TRIQK: variants seen among roughly 807,000 people sequenced by gnomAD.
The protein encoded by TRIQK is triple QxxK/R motif containing.
A neutral mutation model predicts 10.8 loss-of-function variants in TRIQK; 10 were observed. The ratio of observed to expected loss-of-function variants is 0.92; its 90% CI spans 0.57 to 1.57. The LOEUF is 1.57. Among genes scored for constraint, TRIQK ranks in the 40% most tolerant of loss-of-function variants. TRIQK has a pLI of 0.00. For missense variants in TRIQK, 107 were observed against 97.7 expected (o/e 1.09, Z -0.40); for synonymous variants, 33 against 33.7 (o/e 0.98, Z 0.07).
At chr8:92,965,735 C>G (rs1812711146) in intron 1 of TRIQK, 1 of 152,704 alleles carries the variant, frequency 6.5e-6, no homozygotes. Flanking sequence ...CCACCGAACC[C>G]AGCACCCTCC....
chr8:93,012,356 C>A (rs1247734373), intron 1 of TRIQK, among the ~76,000 whole-genome samples: 1 of 152,040 alleles, frequency 6.6e-6, no homozygotes, highest in Non-Finnish European at 1.5e-5. Context: ...AAACAGAGTG[C>A]CCACGATTCT....
intron 2 of TRIQK, among the ~76,000 whole-genome samples, chr8:92,927,557 T>C (rs1450872173): frequency 1.3e-5 from 2 of 152,150 alleles, no homozygotes; most frequent in Non-Finnish European, 2.9e-5. Flanking sequence ...AGGCGATTAA[T>C]ATTATTATTG....
intron 2 of TRIQK, among the ~76,000 whole-genome samples, chr8:92,952,968 T>C (rs1811985280): frequency 6.6e-6 from 1 of 152,048 alleles, no homozygotes; most frequent in South Asian, 2.1e-4. Flanking sequence ...TTTGGATATG[T>C]AGTCTGTGTG....
chr8:92,962,451 C>A (rs1217239872), intron 1 of TRIQK, among the ~76,000 whole-genome samples: 1 of 152,164 alleles, frequency 6.6e-6, no homozygotes, highest in East Asian at 1.9e-4. Context: ...CAAAGAAATT[C>A]TTTATTGAGC....
At chr8:92,910,399 G>A (rs1809508169) in intron 3 of TRIQK, among the ~76,000 whole-genome samples, 1 of 150,934 alleles carries the variant, frequency 6.6e-6, no homozygotes, top group South Asian at 2.1e-4. Flanking sequence ...AAAATTTGAA[G>A]AATGAAAAAG....
upstream of TRIQK, among the ~76,000 whole-genome samples, chr8:92,967,180 A>C (rs1344439931): frequency 6.6e-6 from 1 of 152,046 alleles, no homozygotes; most frequent in Admixed American, 6.5e-5. Flanking sequence ...AATACACTTA[A>C]CCAGATTACT....
At chr8:93,009,792 G>GA (rs202158838) in intron 1 of TRIQK, among the ~76,000 whole-genome samples, 75 of 150,364 alleles carry the variant, frequency 5.0e-4, no homozygotes, top group African/African-American at 1.5e-3. Flanking sequence ...ATATCCAAAG[G>GA]AAAAAAAAAT....
intron 1 of TRIQK, among the ~76,000 whole-genome samples, chr8:92,999,486 G>A (rs74487968): frequency 0.05 from 7,666 of 152,092 alleles, 261 homozygotes; most frequent in Middle Eastern, 0.095. Context: ...CTGACTACTC[G>A]TTTAAACCAG....
At chr8:93,010,402 T>C (rs938055522) in intron 1 of TRIQK, among the ~76,000 whole-genome samples, 3 of 151,994 alleles carry the variant, frequency 2.0e-5, no homozygotes, top group Non-Finnish European at 4.4e-5. Context: ...TATGTGTCCA[T>C]TAAAAAAATA....
At chr8:92,898,077 C>T (rs1808703305) in intron 3 of TRIQK, among the ~76,000 whole-genome samples, 1 of 152,078 alleles carries the variant, frequency 6.6e-6, no homozygotes, top group African/African-American at 2.4e-5. Context: ...TGGTCAGTCT[C>T]ATGTTTAACC....
intron 3 of TRIQK, among the ~76,000 whole-genome samples, chr8:92,898,013 A>G (rs1467685757): frequency 6.6e-6 from 1 of 151,934 alleles, no homozygotes; most frequent in Non-Finnish European, 1.5e-5. Flanking sequence ...AATCTGTCAG[A>G]CCTTTTAAAA....
In TRIQK at chr8:92,966,091, G is replaced by T. The variant is rs1812736557; in HGVS notation, c.-265C>A. Reference sequence around the variant, plus strand: ...CACGGTTCTGTCACTCAGGGGCAGGGGCGGGACAAGCCAGCCGCACACCCC... The same window carrying T: ...CACGGTTCTGTCACTCAGGGGCAGGTGCGGGACAAGCCAGCCGCACACCCC... On this transcript the variant is annotated 5_prime_UTR_variant, in exon 1 of 5. Transcript: ENST00000521988. The T allele has an allele frequency of 6.6e-6, 1 of 152,520 alleles. No homozygotes were observed. Among genetic ancestry groups the T allele is most frequent in the Non-Finnish European group, 1.5e-5 (1 of 68,282 alleles). 9.4% of individuals were successfully genotyped at this position (152,520 alleles called of 1,614,324 possible). A position where few individuals can be genotyped will look rare whatever the true frequency, so the allele number is the denominator to read the frequency against.
In TRIQK at chr8:92,933,632, G is replaced by C. The variant is rs559836632; in HGVS notation, c.-21-16622C>G. Among the ~76,000 whole-genome samples the C allele has an allele frequency of 2.6e-5, 4 of 152,122 alleles. No individual in the cohort carries two copies. The South Asian group carries it at 8.3e-4, about 32-fold the overall frequency. On this transcript the variant is annotated intron_variant, in intron 2 of 4. Transcript: ENST00000521988. ...TAAAACCAGTGTTCTTTGAAGATAA[G>C]GCATAAAGATTCTAGATAGAAAACT...
chr8:92,978,441 T>C (rs1812953799), intron 1 of TRIQK, among the ~76,000 whole-genome samples: 1 of 152,204 alleles, frequency 6.6e-6, no homozygotes, highest in Admixed American at 6.6e-5. Context: ...TAGTTCATCA[T>C]GGCTGGGAGC....
chr8:92,967,636 A>G (rs1175864983), upstream of TRIQK, among the ~76,000 whole-genome samples: 3 of 152,066 alleles, frequency 2.0e-5, no homozygotes, highest in East Asian at 5.8e-4. Flanking sequence ...AGCCTGGCCA[A>G]CATGGTGAAA....
intron 2 of TRIQK, among the ~76,000 whole-genome samples, chr8:92,934,285 A>G (rs1810875308): frequency 6.6e-6 from 1 of 151,988 alleles, no homozygotes; most frequent in South Asian, 2.1e-4. Flanking sequence ...CACAATTGCT[A>G]AACTCTCTTC....
intron 1 of TRIQK, among the ~76,000 whole-genome samples, chr8:92,964,071 G>A (rs1348695447): frequency 6.6e-6 from 1 of 151,908 alleles, no homozygotes; most frequent in East Asian, 1.9e-4. Context: ...AGTAGTTCCC[G>A]TTTGTTAGTG....
chr8:92,959,257 A>G (rs1278855976), intron 1 of TRIQK, among the ~76,000 whole-genome samples: 1 of 151,930 alleles, frequency 6.6e-6, no homozygotes, highest in African/African-American at 2.4e-5. Context: ...TGGTTTGGGG[A>G]TATTTTTTAA....
At chr8:92,919,295 C>T (rs1810045534) in intron 2 of TRIQK, among the ~76,000 whole-genome samples, 2 of 151,812 alleles carry the variant, frequency 1.3e-5, no homozygotes, top group African/African-American at 4.8e-5. Context: ...TGCATTAAAT[C>T]AGTAGATCAC....
Sources: gnomAD v4.1 joint callset for allele counts (sites outside exome capture counted in the v4.1 genomes callset) on GRCh38, gnomAD v4.1.1 for gene constraint, MANE v1.5 for transcripts, NCBI Gene and HGNC (gene_info 2026-07-23, HGNC 2026-07-21) for gene names.